The following CDKL1 variants were observed in gnomAD, a reference collection of about 807,000 sequenced individuals.
CDKL1 encodes cyclin dependent kinase like 1.
Under a neutral mutation model 42.0 loss-of-function variants are expected in CDKL1, and 41 were observed. That is an observed-to-expected ratio of 0.98 (90% CI 0.76 to 1.27). CDKL1 has a LOEUF of 1.27. CDKL1 is among the 50% of genes most tolerant of loss of function. CDKL1 has a pLI of 0.00. For missense variants in CDKL1, 394 were observed against 428.4 expected, an observed-to-expected ratio of 0.92 and a Z score of 0.71; for synonymous variants, 153 against 158.6, an observed-to-expected ratio of 0.96 and a Z score of 0.26.
chr14:50,347,793 C>T (rs2033776836), intron 3 of CDKL1, among the ~76,000 whole-genome samples: 1 of 152,138 alleles, frequency 6.6e-6, no homozygotes, highest in South Asian at 2.1e-4. Context: ...GGAGTGAATC[C>T]AGCTAAAGAA....
rs1595390056 is a variant in CDKL1 at position 50,396,329 on chromosome 14, C to A, written c.-461G>T. On this transcript the variant is annotated splice_region_variant and 5_prime_UTR_variant, in exon 2 of 10. Transcript: ENST00000395834. The stretch of plus-strand genomic sequence containing the variant: ...CCCAACGATGAGTGTTTGTCACGGT[C>A]CTAGAACAGAACAGCACATGTTAAG... 1.0e-6 allele frequency: 1 copy of A among 999,386 alleles called. No homozygotes were observed. Among genetic ancestry groups the A allele is most frequent in the Non-Finnish European group, 1.2e-6 (1 of 839,562 alleles). 61.9% of individuals were successfully genotyped at this position (999,386 alleles called of 1,614,324 possible).
chr14:50,380,812 T>TTTTTTTTTTTTTG (rs1447417583), intron 2 of CDKL1, among the ~76,000 whole-genome samples: 25 of 150,570 alleles, frequency 1.7e-4, no homozygotes, highest in Non-Finnish European at 3.1e-4. Context: ...CTTTTTTTTT[T>TTTTTTTTTTTTTG]GGGACAGAGC....
rs116568657 is a variant in CDKL1, at chr14:50,366,827, T to C, written c.169-7678A>G. Among the ~76,000 whole-genome samples the C allele has an allele frequency of 1.3e-3, 196 of 152,082 alleles. 1 individual carries two copies. Among genetic ancestry groups the C allele is most frequent in the African/African-American group, 4.5e-3 (186 of 41,488 alleles). On this transcript the variant is annotated intron_variant, in intron 2 of 9. Coordinates refer to ENST00000395834, the MANE Select transcript of CDKL1 (RefSeq NM_004196.7). ...GGAACTGTCAAAAATGACACAAAGG[T>C]TTACACACTGGGGCAGATGGTGATG... is the stretch of plus-strand genomic sequence containing the variant.
intron 2 of CDKL1, among the ~76,000 whole-genome samples, chr14:50,391,597 G>A (rs79085186): frequency 0.036 from 5,407 of 152,110 alleles, 92 homozygotes; most frequent in Middle Eastern, 0.071. Context: ...TGGCCATGTT[G>A]GCCTCAAGCT....
chr14:50,378,391 C>A (rs750178159), intron 2 of CDKL1: 1 of 1,366,394 alleles, frequency 7.3e-7, no homozygotes, highest in African/African-American at 1.5e-5. Flanking sequence ...TACCAGCAGC[C>A]GTCTTGAAGG....
chr14:50,368,699 A>C (rs2034498941), intron 2 of CDKL1, among the ~76,000 whole-genome samples: 1 of 152,170 alleles, frequency 6.6e-6, no homozygotes, highest in East Asian at 1.9e-4. Flanking sequence ...TGCAGAGCTG[A>C]GAATGCTACG....
chr14:50,386,885 G>A (rs2035096559), intron 2 of CDKL1, among the ~76,000 whole-genome samples: 1 of 152,034 alleles, frequency 6.6e-6, no homozygotes, highest in Non-Finnish European at 1.5e-5. Flanking sequence ...AAACCAGCCA[G>A]GTGTGGTGGC....
At chr14:50,384,392 C>T (rs1486152884) in intron 2 of CDKL1, among the ~76,000 whole-genome samples, 1 of 152,168 alleles carries the variant, frequency 6.6e-6, no homozygotes, top group Non-Finnish European at 1.5e-5. Context: ...AGATCTCATT[C>T]TCACTAAAAG....
At chr14:50,332,481 A>T in intron 8 of CDKL1, 49 bp from the exon 9 acceptor site, 5 of 1,555,716 alleles carry the variant, frequency 3.2e-6, no homozygotes, top group Non-Finnish European at 4.3e-6. Flanking sequence ...AATTGTATTA[A>T]CTTATTAATG....
chr14:50,338,258 G>T (rs183374813), intron 7 of CDKL1, among the ~76,000 whole-genome samples: 31 of 152,028 alleles, frequency 2.0e-4, no homozygotes, highest in Non-Finnish European at 4.1e-4. Context: ...TTGCTCTGTC[G>T]CCCACCCAGG....
intron 6 of CDKL1, 59 bp downstream of exon 6, chr14:50,340,973 C>G: frequency 6.3e-7 from 1 of 1,580,778 alleles, no homozygotes. Flanking sequence ...TGGCTCTGCC[C>G]TGCCCCAACC....
chr14:50,351,751 A>T (rs1358273989), intron 3 of CDKL1, among the ~76,000 whole-genome samples: 2 of 151,122 alleles, frequency 1.3e-5, no homozygotes, highest in Non-Finnish European at 1.5e-5. Context: ...AAAAAAAAAA[A>T]GGTCAGGGGA....
At chr14:50,339,051 G>C (rs532557422) in intron 6 of CDKL1, 22 bp from the exon 7 acceptor site, 2 of 1,534,200 alleles carry the variant, frequency 1.3e-6, no homozygotes, top group South Asian at 1.1e-5. Flanking sequence ...AAAAGAAAAA[G>C]GTAAGTGAAA....
chr14:50,342,556 G>T, intron 4 of CDKL1: 2 of 386,462 alleles, frequency 5.2e-6, no homozygotes, highest in Non-Finnish European at 7.7e-6. Context: ...ATCCCATGAA[G>T]CACTTGGGAT....
intron 3 of CDKL1, among the ~76,000 whole-genome samples, chr14:50,351,754 T>C (rs1456942288): frequency 7.1e-6 from 1 of 141,200 alleles, no homozygotes; most frequent in East Asian, 2.0e-4. Flanking sequence ...AAAAAAAAGG[T>C]CAGGGGAGGG....
At chr14:50,341,542 G>A (rs1349822963) in intron 5 of CDKL1, among the ~76,000 whole-genome samples, 1 of 151,588 alleles carries the variant, frequency 6.6e-6, no homozygotes, top group Non-Finnish European at 1.5e-5. Context: ...ACTTTGGGAG[G>A]CCGAGGTAGG....
rs1455721148 is a variant in CDKL1, at chr14:50,358,101, G to A, written c.290+927C>T. ...TTTTTCTTGGACAAGGCCTCTGTGT[G>A]CTCACCAAGTCTTCTTCCAGTGCAC... On this transcript the variant is annotated intron_variant, in intron 3 of 9. Transcript: ENST00000395834. The A allele has an allele frequency of 3.7e-6, 5 of 1,360,710 alleles. No homozygotes were observed. The South Asian group carries it at 4.6e-5, about 12-fold the overall frequency. 84.3% of individuals were successfully genotyped at this position (1,360,710 alleles called of 1,614,324 possible). A position where few individuals can be genotyped will look rare whatever the true frequency, so the allele number is the denominator to read the frequency against.
chr14:50,364,152 T>G (rs903320051), intron 2 of CDKL1, among the ~76,000 whole-genome samples: 1 of 152,240 alleles, frequency 6.6e-6, no homozygotes, highest in Non-Finnish European at 1.5e-5. Flanking sequence ...CCCACCTTGC[T>G]ACGTTACTAT....
intron 2 of CDKL1, chr14:50,377,497 A>G: frequency 1.0e-6 from 1 of 986,454 alleles, no homozygotes; most frequent in African/African-American, 1.7e-5. Flanking sequence ...TTCCTGTCTC[A>G]GACTTTACTT....
Sources: gnomAD v4.1 joint callset for allele counts (sites outside exome capture counted in the v4.1 genomes callset) on GRCh38, gnomAD v4.1.1 for gene constraint, MANE v1.5 for transcripts, NCBI Gene and HGNC (gene_info 2026-07-23, HGNC 2026-07-21) for gene names.